BORCS5: variants seen among roughly 807,000 people sequenced by gnomAD.
The protein encoded by BORCS5 is BLOC-1 related complex subunit 5.
Under a neutral mutation model 22.1 loss-of-function variants are expected in BORCS5, and 17 were observed. The ratio of observed to expected loss-of-function variants is 0.77; its 90% CI spans 0.53 to 1.15. BORCS5 has a LOEUF of 1.15. Ranked by LOEUF, BORCS5 falls within the 50% of genes most tolerant of loss-of-function variation. The pLI, the probability that BORCS5 is intolerant of heterozygous loss-of-function variation, is 0.00. For synonymous variants in BORCS5, 117 were observed against 99.8 expected, an observed-to-expected ratio of 1.17 and a Z score of -1.03; for missense variants, 247 against 253.2, an observed-to-expected ratio of 0.98 and a Z score of 0.17.
chr12:12,408,552 T>C (rs942880889), intron 2 of BORCS5, among the ~76,000 whole-genome samples: 4 of 152,216 alleles, frequency 2.6e-5, no homozygotes, highest in African/African-American at 9.6e-5. Context: ...AACAGCAACT[T>C]CCTATCCTCT....
chr12:12,459,474 C>A (rs2136157668), intron 3 of BORCS5, among the ~76,000 whole-genome samples: 1 of 152,162 alleles, frequency 6.6e-6, no homozygotes, highest in East Asian at 1.9e-4. Context: ...CCACCTCCAG[C>A]TAATGTTTTG....
intron 3 of BORCS5, among the ~76,000 whole-genome samples, chr12:12,453,222 ATTT>A (rs1565931282): frequency 1.3e-5 from 2 of 152,314 alleles, no homozygotes; most frequent in Non-Finnish European, 2.9e-5. Flanking sequence ...TATAGTTTTT[ATTT>A]TTTAAAAAAT....
At chr12:12,430,004 C>CA (rs1942381091) in intron 2 of BORCS5, among the ~76,000 whole-genome samples, 1 of 152,114 alleles carries the variant, frequency 6.6e-6, no homozygotes, top group Admixed American at 6.5e-5. Context: ...GGAATTCCAG[C>CA]AATAGAACTG....
At chr12:12,424,498 G>A (rs1942228451) in intron 2 of BORCS5, among the ~76,000 whole-genome samples, 1 of 151,964 alleles carries the variant, frequency 6.6e-6, no homozygotes, top group Non-Finnish European at 1.5e-5. Context: ...TTGTTTTAAA[G>A]TCTTTGTCTA....
In BORCS5 at chr12:12,418,213, GT is replaced by G. The variant is rs534182201; in HGVS notation, c.203-17408del. On this transcript the variant is annotated intron_variant, in intron 2 of 3. Transcript: ENST00000314565. ...TAATTTTTTTTTTGTTTTTTTTTTT[GT>G]TTTTTTAGTGGAGATGGGGTTTCAC... Among the ~76,000 whole-genome samples, 25 of 137,026 alleles carry G rather than the reference GT, an allele frequency of 1.8e-4. No homozygotes were observed. In the South Asian group the frequency reaches 5.6e-3, roughly 30 times the overall value. 89.9% of individuals were successfully genotyped at this position (137,026 alleles called of 152,430 possible).
In BORCS5 at chr12:12,468,568, A is replaced by T. The variant is rs1342679535; in HGVS notation, c.*2792A>T. ...TCAGCTCTAAGATTCCAAGTCTGTG[A>T]TTCCGATACATCTTGACTACAATGA... is the stretch of plus-strand genomic sequence containing the variant. On this transcript the variant is annotated 3_prime_UTR_variant, in exon 4 of 4. Transcript: ENST00000314565. The T allele has an allele frequency of 6.6e-6, 1 of 152,240 alleles. No homozygotes were observed. The highest frequency in any genetic ancestry group is 1.5e-5 in the Non-Finnish European group (1 of 68,050). 9.4% of individuals were successfully genotyped at this position (152,240 alleles called of 1,614,324 possible). A position where few individuals can be genotyped will look rare whatever the true frequency, so the allele number is the denominator to read the frequency against.
chr12:12,411,150 T>C (rs899627828), intron 2 of BORCS5, among the ~76,000 whole-genome samples: 2 of 152,224 alleles, frequency 1.3e-5, no homozygotes, highest in African/African-American at 2.4e-5. Flanking sequence ...TTTCTAGATA[T>C]ACAATCATGT....
At chr12:12,410,566 G>A (rs1158617478) in intron 2 of BORCS5, among the ~76,000 whole-genome samples, 1 of 152,050 alleles carries the variant, frequency 6.6e-6, no homozygotes, top group Non-Finnish European at 1.5e-5. Context: ...TGAGGGCTCT[G>A]TTCTGTTCCA....
chr12:12,371,038 T>C (rs185503356), intron 2 of BORCS5, among the ~76,000 whole-genome samples: 141 of 151,990 alleles, frequency 9.3e-4, no homozygotes, highest in Admixed American at 2.2e-3. Context: ...CGTGAGCCAC[T>C]GCGCCTGGCC....
chr12:12,421,702 G>A (rs1040637587), intron 2 of BORCS5, among the ~76,000 whole-genome samples: 6 of 152,098 alleles, frequency 3.9e-5, no homozygotes, highest in Non-Finnish European at 8.8e-5. Flanking sequence ...TGGTTGGTAG[G>A]CTATTAATTA....
At chr12:12,426,376 G>A (rs1015915961) in intron 2 of BORCS5, among the ~76,000 whole-genome samples, 7 of 152,218 alleles carry the variant, frequency 4.6e-5, no homozygotes, top group Non-Finnish European at 7.3e-5. Flanking sequence ...AATTATTCAA[G>A]AGGAAAAGGT....
intron 2 of BORCS5, among the ~76,000 whole-genome samples, chr12:12,429,740 T>C (rs1217376956): frequency 6.6e-6 from 1 of 152,194 alleles, no homozygotes; most frequent in East Asian, 1.9e-4. Flanking sequence ...AGTTTTGTTT[T>C]GTGAGCTAAG....
At chr12:12,433,203 C>T (rs987736418) in intron 2 of BORCS5, among the ~76,000 whole-genome samples, 2 of 151,272 alleles carry the variant, frequency 1.3e-5, no homozygotes, top group Non-Finnish European at 2.9e-5. Context: ...GGAATGGTGG[C>T]ACATGCCTGT....
intron 3 of BORCS5, among the ~76,000 whole-genome samples, chr12:12,463,181 A>G (rs1022385330): frequency 1.8e-4 from 28 of 152,240 alleles, no homozygotes; most frequent in African/African-American, 6.5e-4. Flanking sequence ...ATGTGTTACA[A>G]TGAGCATGTG....
chr12:12,465,351 C>T (rs1279116613), intron 3 of BORCS5, among the ~76,000 whole-genome samples, 195 bp from the exon 4 acceptor site: 1 of 152,286 alleles, frequency 6.6e-6, no homozygotes. Context: ...TCTCAGTTCT[C>T]TTCTAAAGGT....
intron 2 of BORCS5, among the ~76,000 whole-genome samples, chr12:12,405,755 A>G (rs1180991683): frequency 6.6e-6 from 1 of 152,254 alleles, no homozygotes; most frequent in Admixed American, 6.5e-5. Context: ...TGTATTATCA[A>G]TTAATACTCT....
chr12:12,463,564 A>G (rs780237773), intron 3 of BORCS5, among the ~76,000 whole-genome samples: 1 of 152,164 alleles, frequency 6.6e-6, no homozygotes, highest in Non-Finnish European at 1.5e-5. Flanking sequence ...AGTCACGCAA[A>G]CTCAAGTTTC....
At chr12:12,452,073 A>AT (rs576886427) in intron 3 of BORCS5, 17 of 447,830 alleles carry the variant, frequency 3.8e-5, no homozygotes, top group South Asian at 3.3e-4. Context: ...TCCCCCCTGG[A>AT]TTTTACCTGG....
At chr12:12,463,523 A>G (rs1943148545) in intron 3 of BORCS5, among the ~76,000 whole-genome samples, 1 of 152,180 alleles carries the variant, frequency 6.6e-6, no homozygotes, top group Admixed American at 6.5e-5. Flanking sequence ...GCTGGGGTCC[A>G]GTGTAGGTTC....
Sources: allele counts gnomAD v4.1 joint callset (sites outside exome capture counted in the v4.1 genomes callset), GRCh38; gene constraint gnomAD v4.1.1; transcripts MANE v1.5; gene names NCBI Gene and HGNC (gene_info 2026-07-23, HGNC 2026-07-21).